The following ZNF420 variants were observed in gnomAD, a reference collection of about 807,000 sequenced individuals.
ZNF420 encodes the protein zinc finger protein 420.
Under a neutral mutation model 44.7 loss-of-function variants are expected in ZNF420, and 31 were observed. That is an observed-to-expected ratio of 0.69 (90% CI 0.52 to 0.94). The LOEUF is 0.94. ZNF420 is among the 40% of genes least tolerant of loss of function. ZNF420 has a pLI of 0.00. For missense variants in ZNF420, 681 were observed against 827.9 expected (o/e 0.82, Z 2.18); for synonymous variants, 245 against 267.4 (o/e 0.92, Z 0.82).
intron 1 of ZNF420, among the ~76,000 whole-genome samples, chr19:37,039,886 G>T (rs951612209): frequency 3.3e-5 from 5 of 151,744 alleles, no homozygotes; most frequent in East Asian, 3.9e-4. Flanking sequence ...TTGTTTTTTT[G>T]TTTGTTTGTT....
chr19:37,120,717 A>G (rs941134303), intron 4 of ZNF420, among the ~76,000 whole-genome samples: 4 of 152,242 alleles, frequency 2.6e-5, no homozygotes, highest in Non-Finnish European at 4.4e-5. Flanking sequence ...TTGTGTATCT[A>G]GAAAACCCCA....
intron 1 of ZNF420, among the ~76,000 whole-genome samples, chr19:37,014,291 T>A (rs2074593324): frequency 6.6e-6 from 1 of 152,098 alleles, no homozygotes. Flanking sequence ...GGCAGTGAGC[T>A]CATGAAACAG....
At chr19:37,047,137 T>C (rs1967557340) in intron 1 of ZNF420, among the ~76,000 whole-genome samples, 1 of 152,236 alleles carries the variant, frequency 6.6e-6, no homozygotes. Context: ...TTTAAGCCAT[T>C]TGAAAAACAG....
At chr19:37,055,311 G>A (rs1460957721) in intron 1 of ZNF420, among the ~76,000 whole-genome samples, 1 of 152,162 alleles carries the variant, frequency 6.6e-6, no homozygotes, top group Non-Finnish European at 1.5e-5. Flanking sequence ...GCTTAATCCT[G>A]GGAGATTGAG....
chr19:37,051,397 A>G (rs1466153649), intron 1 of ZNF420, among the ~76,000 whole-genome samples: 2 of 152,002 alleles, frequency 1.3e-5, no homozygotes, highest in Non-Finnish European at 2.9e-5. Context: ...TCAATTTCAG[A>G]TCCTGTTATT....
At position 37,029,240 on chromosome 19, in the gene ZNF420, A is replaced by G. The variant is rs555210415; in HGVS notation, c.-125+21158A>G. ...ACAGCCAGAGACACAAAATAAGAAG[A>G]AAGGGCGATCAGAAGTCCTGTGTCT... On this transcript the variant is annotated intron_variant, in intron 1 of 4. Coordinates refer to the ZNF420 transcript ENST00000587029. Among the ~76,000 whole-genome samples, 6 of 152,304 alleles carry G rather than the reference A, an allele frequency of 3.9e-5. No individual in the cohort carries two copies. The East Asian group carries it at 7.7e-4, about 20-fold the overall frequency.
At chr19:37,010,915 C>G (rs1465968748) in intron 1 of ZNF420, among the ~76,000 whole-genome samples, 7 of 152,148 alleles carry the variant, frequency 4.6e-5, no homozygotes, top group Admixed American at 6.5e-5. Context: ...ATGGTTCTAT[C>G]TCCTCACGGC....
intron 4 of ZNF420, 72 bp from the exon 5 acceptor site, chr19:37,127,056 T>C: frequency 7.7e-7 from 1 of 1,294,026 alleles, no homozygotes; most frequent in South Asian, 2.0e-5. Flanking sequence ...CTTATGGGCA[T>C]TATTTTCCTA....
intron 1 of ZNF420, chr19:37,025,022 C>A: frequency 4.5e-6 from 1 of 221,058 alleles, no homozygotes. Context: ...CTGAGTTGAG[C>A]CTAAAGGACA....
In ZNF420 at chr19:37,043,038, G is replaced by A. The variant is rs542379166; in HGVS notation, c.-125+34956G>A. ...ATTTTTATCAATTAACTTTGCCATCGTATAGGGACCTGATTCATGGCCTCC... is the reference window on the plus strand; with the variant it reads ...ATTTTTATCAATTAACTTTGCCATCATATAGGGACCTGATTCATGGCCTCC... On this transcript the variant is annotated intron_variant, in intron 1 of 4. Transcript: ENST00000587029. 3.3e-5 allele frequency among the ~76,000 whole-genome samples: 5 copies of A among 152,280 alleles called. No individual in the cohort carries two copies. The East Asian group carries it at 5.8e-4, about 18-fold the overall frequency.
At chr19:37,119,371 A>T (rs1159567788) in intron 4 of ZNF420, among the ~76,000 whole-genome samples, 5 of 152,202 alleles carry the variant, frequency 3.3e-5, no homozygotes, top group Non-Finnish European at 7.3e-5. Flanking sequence ...CTGAATGACT[A>T]CTGGGTACAT....
chr19:37,017,475 C>G (rs1009912606), intron 1 of ZNF420, among the ~76,000 whole-genome samples: 2 of 152,062 alleles, frequency 1.3e-5, no homozygotes, highest in South Asian at 2.1e-4. Flanking sequence ...ACACCATGAC[C>G]AAGTAGAATT....
chr19:37,010,193 G>A (rs569402507), intron 1 of ZNF420, among the ~76,000 whole-genome samples: 1 of 152,306 alleles, frequency 6.6e-6, no homozygotes, highest in East Asian at 1.9e-4. Context: ...TCCGGGCTCC[G>A]AGACTCCGGC....
chr19:37,086,914 T>C (rs1384190212), intron 2 of ZNF420, among the ~76,000 whole-genome samples: 1 of 152,204 alleles, frequency 6.6e-6, no homozygotes, highest in Non-Finnish European at 1.5e-5. Flanking sequence ...CATTTTTTTA[T>C]TGGAATGGTT....
intron 1 of ZNF420, among the ~76,000 whole-genome samples, chr19:37,034,965 G>A (rs1296452911): frequency 2.0e-5 from 3 of 152,332 alleles, no homozygotes; most frequent in Non-Finnish European, 2.9e-5. Context: ...GAGGGAAATA[G>A]GGTGGTAAGA....
Position 37,128,144 on chromosome 19 carries a change from C to T in ZNF420, c.1153C>T (p.His385Tyr). 2 of 1,614,052 alleles carry T rather than the reference C, an allele frequency of 1.2e-6. No individual in the cohort carries two copies. The highest frequency in any genetic ancestry group is 1.7e-6 in the Non-Finnish European group (2 of 1,179,978). Residue 385 changes from histidine (H) to tyrosine (Y), a missense_variant, in exon 5 of 5, where the codon CAC becomes TAC. By Grantham distance (83) the His-to-Tyr change is moderately conservative. This residue lies in a region of ZNF420 where 51 missense variants were observed against 106.8 expected (regional missense o/e 0.48). Coordinates refer to ENST00000337995, the MANE Select transcript of ZNF420 (RefSeq NM_144689.5). ...GSQLTQHQRIHTNEKPYECKE... is the reference protein window; with the variant it reads ...GSQLTQHQRIYTNEKPYECKE... ...ACAACTTACTCAACACCAGAGAATT[C>T]ACACCAATGAAAAGCCCTATGAATG...
At chr19:37,103,316 A>G (rs907751110) in intron 4 of ZNF420, among the ~76,000 whole-genome samples, 1 of 152,046 alleles carries the variant, frequency 6.6e-6, no homozygotes, top group Admixed American at 6.6e-5. Context: ...TGCTAATGTG[A>G]TAATTAAAAA....
At chr19:37,055,499 C>G (rs1967726618) in intron 1 of ZNF420, among the ~76,000 whole-genome samples, 1 of 152,238 alleles carries the variant, frequency 6.6e-6, no homozygotes, top group Admixed American at 6.5e-5. Context: ...ACTCCATCAA[C>G]ACTCCAGCCA....
upstream of ZNF420, among the ~76,000 whole-genome samples, chr19:37,076,158 T>C (rs1305961712): frequency 6.6e-6 from 1 of 152,140 alleles, no homozygotes; most frequent in African/African-American, 2.4e-5. Flanking sequence ...GAACAACTGT[T>C]TTTTACTTTT....
Sources: allele counts gnomAD v4.1 joint callset (sites outside exome capture counted in the v4.1 genomes callset), GRCh38; gene constraint gnomAD v4.1.1; regional missense constraint gnomAD v4.1.1; transcripts MANE v1.5; gene names NCBI Gene and HGNC (gene_info 2026-07-23, HGNC 2026-07-21).